Variants in SCARB1 observed in about 807,000 individuals in gnomAD.
The protein encoded by SCARB1 is scavenger receptor class B member 1.
A neutral mutation model predicts 57.2 loss-of-function variants in SCARB1; 30 were observed. That is an observed-to-expected ratio of 0.52 (90% CI 0.39 to 0.71). The LOEUF is 0.71. Ranked by LOEUF, SCARB1 falls within the 30% of genes least tolerant of loss-of-function variation. The pLI is 0.00. For synonymous variants in SCARB1, 249 were observed against 268.3 expected (o/e 0.93, Z 0.70); for missense variants, 543 against 671.2 (o/e 0.81, Z 2.11).
At chr12:124,830,979 A>ATTTTTTTTTTTTTTTT (rs34543026) in intron 1 of SCARB1, among the ~76,000 whole-genome samples, 1 of 137,876 alleles carries the variant, frequency 7.3e-6, no homozygotes. Flanking sequence ...TGCCCAGCTG[A>ATTTTTTTTTTTTTTTT]TTTTTTTTTT....
At chr12:124,828,603 C>T (rs933351248) in intron 1 of SCARB1, among the ~76,000 whole-genome samples, 1 of 152,192 alleles carries the variant, frequency 6.6e-6, no homozygotes, top group Non-Finnish European at 1.5e-5. Flanking sequence ...CTCATCTCAT[C>T]GAAGCAGACA....
At chr12:124,793,457 C>T (rs35207646) in intron 9 of SCARB1, among the ~76,000 whole-genome samples, 3,557 of 151,588 alleles carry the variant, frequency 0.023, 55 homozygotes, top group Non-Finnish European at 0.033. Flanking sequence ...ACTTTGGGAG[C>T]CCGAGGCGGG....
At chr12:124,792,975 A>G (rs1402842277) in intron 9 of SCARB1, among the ~76,000 whole-genome samples, 1 of 152,034 alleles carries the variant, frequency 6.6e-6, no homozygotes, top group African/African-American at 2.4e-5. Flanking sequence ...CCCAGGTGCC[A>G]CGCGGTGGAA....
At chr12:124,790,571 T>A (rs1949689167) in intron 9 of SCARB1, among the ~76,000 whole-genome samples, 1 of 152,136 alleles carries the variant, frequency 6.6e-6, no homozygotes, top group South Asian at 2.1e-4. Flanking sequence ...CTCCCAACAC[T>A]GCAAGATAGT....
chr12:124,814,253 CTTG>C lies in SCARB1; in HGVS notation c.576_578del (p.Asn192del). 6.2e-7 allele frequency: 1 copy of C among 1,614,228 alleles called. No homozygotes were observed. Reference sequence around the variant, plus strand: ...TGAAGGGGAACATGCCTGGAAAGTACTTGTTGATGAGATTCACAAGGGGGTCCT... The same window carrying C: ...TGAAGGGGAACATGCCTGGAAAGTACTTGATGAGATTCACAAGGGGGTCCT... On this transcript the variant is annotated inframe_deletion, in exon 4 of 13. Transcript: ENST00000261693. This position sits in a 1 kb window ranked among gnomAD's most constrained non-coding sequence, Gnocchi z 4.7.
intron 1 of SCARB1, among the ~76,000 whole-genome samples, chr12:124,820,265 A>T (rs1594295824): frequency 6.6e-6 from 1 of 151,978 alleles, no homozygotes; most frequent in African/African-American, 2.4e-5. Context: ...CAGCACCATT[A>T]CTCTTTGAGG....
Position 124,831,782 on chromosome 12 carries a change from T to C in SCARB1, c.127-14075A>G, listed in dbSNP as rs1951403664. ...ACCCATGCAGCAGGGACAGGTCATG[T>C]TGACATAATGTGCTGGGAACAGCCC... On this transcript the variant is annotated intron_variant, in intron 1 of 12. Transcript: ENST00000261693. Among the ~76,000 whole-genome samples the C allele has an allele frequency of 2.0e-5, 3 of 152,240 alleles. No homozygotes were observed. In the South Asian group the frequency reaches 6.2e-4, roughly 32 times the overall value.
chr12:124,839,066 C>G (rs1474149480), intron 1 of SCARB1, among the ~76,000 whole-genome samples: 1 of 152,154 alleles, frequency 6.6e-6, no homozygotes, highest in Non-Finnish European at 1.5e-5. Context: ...AGCCACTACA[C>G]GCCCAGCCCA....
In SCARB1 at chr12:124,819,102, T is replaced by C. The variant is rs11057829; in HGVS notation, c.127-1395A>G. Among the ~76,000 whole-genome samples, 250 of 149,476 alleles carry C rather than the reference T, an allele frequency of 1.7e-3. 2 individuals are homozygous for C. Among genetic ancestry groups the C allele is most frequent in the African/African-American group, 5.8e-3 (235 of 40,794 alleles). Reference sequence around the variant, plus strand: ...TAATGGCGCCATTTGTACTCCAGCCTGGGTGTCCAAGCAACACCCTGTCTC... The same window carrying C: ...TAATGGCGCCATTTGTACTCCAGCCCGGGTGTCCAAGCAACACCCTGTCTC... On this transcript the variant is annotated intron_variant, in intron 1 of 12. Transcript: ENST00000261693.
Position 124,811,911 on chromosome 12 carries a change from T to C in SCARB1, c.685A>G (p.Ser229Gly), listed in dbSNP as rs10396213. 242 of 1,613,388 alleles carry C rather than the reference T, an allele frequency of 1.5e-4. 1 individual carries two copies. The East Asian group carries it at 4.1e-3, about 27-fold the overall frequency. ...FTVFTGVQNI[S>G]RIHLVDKWNG... ...CACTTGTCCACGAGGTGGATCCTGCTGATGTTCTGGACCCCCGTGAACACC... is the reference window on the plus strand; with the variant it reads ...CACTTGTCCACGAGGTGGATCCTGCCGATGTTCTGGACCCCCGTGAACACC... The change falls in exon 5 of 13, where the codon AGC (serine) becomes GGC (glycine). Residue 229 changes from serine to glycine, a missense_variant. Coordinates refer to ENST00000261693, the MANE Select transcript of SCARB1 (RefSeq NM_005505.5).
chr12:124,800,665 A>T lies in SCARB1; in HGVS notation c.1010-423T>A, dbSNP rs1158099093. 2.0e-5 allele frequency among the ~76,000 whole-genome samples: 3 copies of T among 152,204 alleles called. No individual in the cohort carries two copies. The highest frequency in any genetic ancestry group is 6.5e-5 in the Admixed American group (1 of 15,284). On this transcript the variant is annotated intron_variant, in intron 7 of 12. Coordinates refer to ENST00000261693, the MANE Select transcript of SCARB1 (RefSeq NM_005505.5). The surrounding 1 kb of genome is among the most constrained non-coding windows in gnomAD (Gnocchi z 4.8). ...CTTGGGTGTGGGGAGGGGAGTCTCA[A>T]GCGCAAGCCAAGCAGCCCACACTGT... is the stretch of plus-strand genomic sequence containing the variant.
In SCARB1 at chr12:124,817,738, G is replaced by A. The variant is rs1950799432; in HGVS notation, c.127-31C>T. 6.2e-7 allele frequency: 1 copy of A among 1,613,374 alleles called. No individual in the cohort carries two copies. The highest frequency in any genetic ancestry group is 1.3e-5 in the African/African-American group (1 of 75,032). On this transcript the variant is annotated intron_variant, in intron 1 of 12. Coordinates refer to ENST00000261693, the MANE Select transcript of SCARB1 (RefSeq NM_005505.5). The surrounding 1 kb of genome is among the most constrained non-coding windows in gnomAD (Gnocchi z 4.8). ...GGGGAAGGGACAAGTACGCTTGTGA[G>A]GAGAGTGATGAGGGCCCCACGCCCC...
At chr12:124,801,321 C>G (rs1022966601) in intron 7 of SCARB1, among the ~76,000 whole-genome samples, 2 of 152,160 alleles carry the variant, frequency 1.3e-5, no homozygotes, top group Non-Finnish European at 2.9e-5. Flanking sequence ...TCTGATGAGT[C>G]TGGGTCTCCT....
chr12:124,833,525 T>C (rs1951507572), intron 1 of SCARB1, among the ~76,000 whole-genome samples: 1 of 152,116 alleles, frequency 6.6e-6, no homozygotes, highest in Admixed American at 6.6e-5. Context: ...AAAGCCACTT[T>C]TGCTGAGGAA....
Position 124,822,623 on chromosome 12 carries a change from G to T in SCARB1, c.127-4916C>A, listed in dbSNP as rs1202349151. 6.6e-6 allele frequency among the ~76,000 whole-genome samples: 1 copy of T among 152,132 alleles called. No individual in the cohort carries two copies. The highest frequency in any genetic ancestry group is 1.5e-5 in the Non-Finnish European group (1 of 68,020). On this transcript the variant is annotated intron_variant, in intron 1 of 12. Transcript: ENST00000261693. The surrounding 1 kb of genome is among the most constrained non-coding windows in gnomAD (Gnocchi z 5.0). The stretch of plus-strand genomic sequence containing the variant: ...AATTAGGCCAGGCATGGTGGCTCAC[G>T]CCTGTAATCCAAGGACTTTGGGAGG...
At chr12:124,826,027 C>T (rs973173031) in intron 1 of SCARB1, among the ~76,000 whole-genome samples, 1 of 151,828 alleles carries the variant, frequency 6.6e-6, no homozygotes, top group Non-Finnish European at 1.5e-5. Context: ...AAGCAGATTT[C>T]AGGTGCTCTC....
At chr12:124,838,399 T>C (rs1951777532) in intron 1 of SCARB1, among the ~76,000 whole-genome samples, 1 of 152,186 alleles carries the variant, frequency 6.6e-6, no homozygotes, top group Non-Finnish European at 1.5e-5. Flanking sequence ...ATGTGTCTGT[T>C]GTGAAGAGGG....
chr12:124,836,255 G>A (rs1443539467), intron 1 of SCARB1, among the ~76,000 whole-genome samples: 1 of 152,214 alleles, frequency 6.6e-6, no homozygotes, highest in Non-Finnish European at 1.5e-5. Context: ...AAGCACCAGA[G>A]GTCTCGCGCA....
intron 1 of SCARB1, among the ~76,000 whole-genome samples, chr12:124,853,064 T>C (rs113040488): frequency 0.012 from 1,815 of 152,006 alleles, 34 homozygotes; most frequent in African/African-American, 0.041. Context: ...AACTGTCCAT[T>C]GGGTGGGGTG....
Sources: allele counts gnomAD v4.1 joint callset (sites outside exome capture counted in the v4.1 genomes callset), GRCh38; gene constraint gnomAD v4.1.1; non-coding constraint Gnocchi (gnomAD v3.1); transcripts MANE v1.5; gene names NCBI Gene and HGNC (gene_info 2026-07-23, HGNC 2026-07-21).